ASTN2: variants seen among roughly 807,000 people sequenced by gnomAD.
ASTN2 encodes the protein astrotactin-2.
In ASTN2, 54 loss-of-function variants were observed where a neutral mutation model predicts 139.8. That is an observed-to-expected ratio of 0.39 (90% confidence interval 0.31 to 0.48). The LOEUF (loss-of-function observed/expected upper bound fraction) is 0.48. Ranked by LOEUF, ASTN2 falls within the 20% of genes least tolerant of loss-of-function variation. The pLI, the probability that ASTN2 is intolerant of heterozygous loss-of-function variation, is 0.95. For synonymous variants in ASTN2, 756 were observed against 719.5 expected (o/e 1.05, Z -0.81); for missense variants, 1,565 against 1,725.1 (o/e 0.91, Z 1.64).
chr9:116,738,707 C>T lies in ASTN2; in HGVS notation c.2397-5184G>A, dbSNP rs538357592. Among the ~76,000 whole-genome samples the T allele has an allele frequency of 1.9e-3, 288 of 152,236 alleles. 15 individuals are homozygous for T. The highest frequency in any genetic ancestry group is 1.5e-3 in the Non-Finnish European group (103 of 68,024). The stretch of plus-strand genomic sequence containing the variant: ...TATTCCCACTTTATAGACAAAGAAA[C>T]ATGTTCAGAGAGGTTAAGGAACTTG... On this transcript the variant is annotated intron_variant, in intron 13 of 22. Coordinates refer to ENST00000313400, the MANE Select transcript of ASTN2 (RefSeq NM_001365068.1).
chr9:116,743,501 G>T (rs1829149057), intron 13 of ASTN2, among the ~76,000 whole-genome samples: 2 of 152,126 alleles, frequency 1.3e-5, no homozygotes. Flanking sequence ...AGCTTGTAGT[G>T]AGCCGAGATC....
At chr9:117,095,990 C>G in intron 5 of ASTN2, 54 bp downstream of exon 5, 1 of 1,533,380 alleles carries the variant, frequency 6.5e-7, no homozygotes, top group Non-Finnish European at 9.0e-7. Context: ...AATCTGATTT[C>G]CAGGATTTCC....
At chr9:117,139,870 A>G (rs1385922581) in intron 4 of ASTN2, among the ~76,000 whole-genome samples, 1 of 152,218 alleles carries the variant, frequency 6.6e-6, no homozygotes, top group Admixed American at 6.5e-5. Context: ...AAGCTTGAAA[A>G]GACAGGTAGA....
intron 14 of ASTN2, among the ~76,000 whole-genome samples, chr9:116,730,623 C>A (rs952096686): frequency 2.6e-5 from 4 of 152,094 alleles, no homozygotes; most frequent in African/African-American, 7.2e-5. Context: ...ATTCAGACAC[C>A]AGGGACAAGG....
At chr9:117,112,305 A>G (rs1349924575) in intron 4 of ASTN2, among the ~76,000 whole-genome samples, 2 of 152,118 alleles carry the variant, frequency 1.3e-5, no homozygotes, top group Middle Eastern at 3.5e-3. Context: ...TAAAATTTAT[A>G]TGAAAGTGCA....
intron 2 of ASTN2, among the ~76,000 whole-genome samples, chr9:117,247,641 G>C (rs912007366): frequency 4.6e-5 from 7 of 152,366 alleles, no homozygotes; most frequent in Admixed American, 3.9e-4. Flanking sequence ...AGCACCAGCA[G>C]CTCCTTCCTC....
intron 3 of ASTN2, among the ~76,000 whole-genome samples, chr9:117,190,608 A>ATG (rs1831319867): frequency 6.6e-6 from 1 of 152,042 alleles, no homozygotes; most frequent in Non-Finnish European, 1.5e-5. Flanking sequence ...CTCTCTCTCA[A>ATG]TGCTACTCCT....
chr9:116,938,053 T>G (rs1016282175), intron 10 of ASTN2, among the ~76,000 whole-genome samples: 1 of 152,220 alleles, frequency 6.6e-6, no homozygotes, highest in African/African-American at 2.4e-5. Context: ...ACGCGAGGTT[T>G]AAGTTGGTAA....
chr9:117,059,695 T>C (rs980400263), intron 5 of ASTN2, among the ~76,000 whole-genome samples: 1 of 152,150 alleles, frequency 6.6e-6, no homozygotes, highest in Non-Finnish European at 1.5e-5. Context: ...CCTAGTAAGA[T>C]AATTTTGTGT....
intron 10 of ASTN2, among the ~76,000 whole-genome samples, chr9:116,970,797 T>A (rs1326837817): frequency 1.3e-5 from 2 of 152,212 alleles, no homozygotes; most frequent in African/African-American, 2.4e-5. Context: ...TATTTCACCA[T>A]TTCATTTTCG....
intron 17 of ASTN2, among the ~76,000 whole-genome samples, chr9:116,636,042 T>G (rs1224332011): frequency 6.6e-6 from 1 of 152,186 alleles, no homozygotes; most frequent in Non-Finnish European, 1.5e-5. Context: ...CAAACTGTAG[T>G]GGAAAAAGCC....
chr9:117,204,266 C>G (rs1161691042), intron 3 of ASTN2, among the ~76,000 whole-genome samples: 2 of 152,174 alleles, frequency 1.3e-5, no homozygotes, highest in African/African-American at 4.8e-5. Context: ...TCCATTTCGG[C>G]CAGGCTGGTC....
chr9:117,062,850 G>A (rs1403572228), intron 5 of ASTN2, among the ~76,000 whole-genome samples: 1 of 152,204 alleles, frequency 6.6e-6, no homozygotes, highest in Non-Finnish European at 1.5e-5. Context: ...AATTAGGCTT[G>A]TAGATAAGAC....
At chr9:116,879,344 GAGACAGACAGAC>G (rs55856269) in intron 10 of ASTN2, among the ~76,000 whole-genome samples, 56,073 of 149,650 alleles carry the variant, frequency 0.37, 10,525 homozygotes, top group East Asian at 0.53. Flanking sequence ...GAGAGAGACA[GAGACAGACAGAC>G]AGACAGACAG....
intron 10 of ASTN2, among the ~76,000 whole-genome samples, chr9:116,929,068 T>C (rs1834832379): frequency 6.6e-6 from 1 of 152,126 alleles, no homozygotes; most frequent in African/African-American, 2.4e-5. Context: ...ATTATCCCCA[T>C]TTACAGGTAA....
intron 10 of ASTN2, among the ~76,000 whole-genome samples, chr9:116,929,249 C>T (rs984801669): frequency 6.6e-5 from 10 of 152,130 alleles, no homozygotes; most frequent in Admixed American, 2.6e-4. Context: ...TGAGAAGAGG[C>T]GGAAGTGTGG....
rs142781513 is a variant in ASTN2, at chr9:116,699,705, G to A, written c.2806+26066C>T. 177 of 1,614,048 alleles carry A rather than the reference G, an allele frequency of 1.1e-4. 1 individual carries two copies. The African/African-American group carries it at 2.1e-3, about 19-fold the overall frequency. ...TCTGAGAAGATATTCCACCCCATAG[G>A]GGATGAGAAATTATCAGTTTCTTCT... is the stretch of plus-strand genomic sequence containing the variant. On this transcript the variant is annotated intron_variant, in intron 16 of 22. Coordinates refer to ENST00000313400, the MANE Select transcript of ASTN2 (RefSeq NM_001365068.1). This position sits in a 1 kb window ranked among gnomAD's most constrained non-coding sequence, Gnocchi z 4.2.
At chr9:117,221,750 CG>C (rs1832526966) in intron 2 of ASTN2, among the ~76,000 whole-genome samples, 1 of 151,924 alleles carries the variant, frequency 6.6e-6, no homozygotes, top group Admixed American at 6.6e-5. Flanking sequence ...GAAGGGGGCC[CG>C]GGATCCAAGT....
chr9:117,088,831 C>T (rs1278386306), intron 5 of ASTN2, among the ~76,000 whole-genome samples: 1 of 152,148 alleles, frequency 6.6e-6, no homozygotes. Flanking sequence ...GACAGATGCA[C>T]CCAAACCCAT....
Sources: gnomAD v4.1 joint callset for allele counts (sites outside exome capture counted in the v4.1 genomes callset) on GRCh38, gnomAD v4.1.1 for gene constraint, Gnocchi (gnomAD v3.1) non-coding constraint, MANE v1.5 for transcripts, NCBI Gene and HGNC (gene_info 2026-07-23, HGNC 2026-07-21) for gene names.